The following KLF8 variants were observed in gnomAD, a reference collection of about 807,000 sequenced individuals.
KLF8 encodes the protein KLF transcription factor 8.
KLF8 carries 10 observed loss-of-function variants against 18.2 expected under a neutral mutation model. That is an observed-to-expected ratio of 0.55 (90% CI 0.34 to 0.93). KLF8 has a LOEUF of 0.93. KLF8 is among the 40% of genes least tolerant of loss of function. The pLI is 0.02. For synonymous variants in KLF8, 109 were observed against 97.3 expected (o/e 1.12, Z -0.71); for missense variants, 264 against 277.9 (o/e 0.95, Z 0.36).
the KLF8 span, among the ~76,000 whole-genome samples, chrX:56,213,345 C>T: frequency 6.5e-5 from 1 of 15,346 alleles, no homozygotes; most frequent in African/African-American, 2.2e-4. Flanking sequence ...TTTTTTGAGA[C>T]AGTTTCACTC....
At chrX:56,105,595 A>C in the KLF8 span, among the ~76,000 whole-genome samples, 1 of 100,554 alleles carries the variant, frequency 9.9e-6, no homozygotes, top group African/African-American at 3.7e-5. Flanking sequence ...TTTTGAGCCT[A>C]TGTGTGTCTC....
the KLF8 span, among the ~76,000 whole-genome samples, chrX:56,226,832 C>T: frequency 8.9e-6 from 1 of 111,939 alleles, no homozygotes; most frequent in Non-Finnish European, 1.9e-5. Context: ...CCCTGCTGGC[C>T]TGACTTGAGA....
At chrX:56,015,117 C>G in the KLF8 span, 1 of 110,510 alleles carries the variant, frequency 9.0e-6, no homozygotes, top group East Asian at 2.8e-4. Context: ...TGTAACAAAC[C>G]TGCACATTCA....
the KLF8 span, among the ~76,000 whole-genome samples, chrX:55,992,054 G>A: frequency 8.9e-6 from 1 of 112,061 alleles, no homozygotes; most frequent in Non-Finnish European, 1.9e-5. Flanking sequence ...TGTGTAGTTG[G>A]TCTGTTTACT....
At chrX:55,942,445 C>G in the KLF8 span, among the ~76,000 whole-genome samples, 1 of 109,980 alleles carries the variant, frequency 9.1e-6, no homozygotes, top group Non-Finnish European at 1.9e-5. Context: ...GTGCAGCACA[C>G]CAACATTGCA....
the KLF8 span, among the ~76,000 whole-genome samples, chrX:56,174,797 A>G: frequency 9.0e-6 from 1 of 111,553 alleles, no homozygotes. Context: ...CTATTCAGAG[A>G]TTCAACTTCT....
intron 5 of KLF8, among the ~76,000 whole-genome samples, chrX:56,275,605 C>T (rs1462685416): frequency 1.8e-5 from 2 of 111,528 alleles, no homozygotes; most frequent in African/African-American, 6.5e-5. Flanking sequence ...TCAGTTTTTC[C>T]CCATTTAGTA....
chrX:56,012,650 A>C, the KLF8 span, among the ~76,000 whole-genome samples: 1 of 111,388 alleles, frequency 9.0e-6, no homozygotes, highest in African/African-American at 3.3e-5. Flanking sequence ...AGGAGAAGTC[A>C]AACTGTCTCT....
chrX:55,965,768 A>G, the KLF8 span, among the ~76,000 whole-genome samples: 2 of 112,211 alleles, frequency 1.8e-5, no homozygotes, highest in South Asian at 7.5e-4. Context: ...CAAGTCAAGA[A>G]CTCAATCGCA....
At chrX:56,154,822 G>A in the KLF8 span, among the ~76,000 whole-genome samples, 20 of 111,900 alleles carry the variant, frequency 1.8e-4, no homozygotes, top group Admixed American at 1.9e-3. Flanking sequence ...CTCAAAAGAA[G>A]ACATTTATGC....
chrX:56,105,560 T>C, the KLF8 span, among the ~76,000 whole-genome samples: 23 of 109,340 alleles, frequency 2.1e-4, no homozygotes, highest in Non-Finnish European at 5.7e-5. Context: ...TCCATTTGCT[T>C]GGTAGATCTT....
the KLF8 span, among the ~76,000 whole-genome samples, chrX:56,079,497 T>C: frequency 8.9e-6 from 1 of 112,109 alleles, no homozygotes; most frequent in Non-Finnish European, 1.9e-5. Context: ...TTGCATTGTG[T>C]TCTGAGAGAT....
the KLF8 span, among the ~76,000 whole-genome samples, chrX:55,999,576 A>T: frequency 1.8e-5 from 2 of 109,047 alleles, no homozygotes; most frequent in Non-Finnish European, 3.8e-5. Context: ...ATATTTTTAG[A>T]TATTTTATTT....
the KLF8 span, among the ~76,000 whole-genome samples, chrX:55,950,546 G>A: frequency 9.0e-6 from 1 of 111,313 alleles, no homozygotes; most frequent in East Asian, 2.8e-4. Context: ...ATCATTGGGG[G>A]CTGTTATGAG....
the KLF8 span, among the ~76,000 whole-genome samples, chrX:55,955,478 TTA>T: frequency 0.22 from 23,927 of 110,613 alleles, 5,389 homozygotes; most frequent in African/African-American, 0.69. Flanking sequence ...GTCATCTGCT[TTA>T]TGTTTTTAAA....
chrX:55,908,685 G>T, the KLF8 span: 1 of 288,460 alleles, frequency 3.5e-6, no homozygotes, highest in Non-Finnish European at 6.1e-6. Context: ...TCAACTACGT[G>T]TGTAGTCCGA....
At chrX:56,075,275 G>C in the KLF8 span, among the ~76,000 whole-genome samples, 90 of 110,850 alleles carry the variant, frequency 8.1e-4, no homozygotes, top group Non-Finnish European at 9.5e-4. Flanking sequence ...TATTCATTGT[G>C]ATTGTATAGG....
chrX:56,074,037 C>T, the KLF8 span, among the ~76,000 whole-genome samples: 14,194 of 111,639 alleles, frequency 0.13, 1,612 homozygotes, highest in African/African-American at 0.37. Context: ...AGTGAGCCAA[C>T]GCGCCTGGCA....
At chrX:56,222,682 G>A in the KLF8 span, among the ~76,000 whole-genome samples, 1 of 112,895 alleles carries the variant, frequency 8.9e-6, no homozygotes, top group East Asian at 2.8e-4. Context: ...GGCTTGGGCC[G>A]CGCAGGAGCC....
Sources: allele counts gnomAD v4.1 joint callset (sites outside exome capture counted in the v4.1 genomes callset), GRCh38; gene constraint gnomAD v4.1.1; transcripts MANE v1.5; gene names NCBI Gene and HGNC (gene_info 2026-07-23, HGNC 2026-07-21).